TOR1AIP2: variants seen among roughly 807,000 people sequenced by gnomAD.
TOR1AIP2 encodes the protein torsin-1A-interacting protein 2.
Under a neutral mutation model 32.6 loss-of-function variants are expected in TOR1AIP2, and 20 were observed. That is an observed-to-expected ratio of 0.61 (90% CI 0.43 to 0.89). TOR1AIP2 has a LOEUF of 0.89. TOR1AIP2 is among the 40% of genes least tolerant of loss of function. TOR1AIP2 has a pLI of 0.00. For synonymous variants in TOR1AIP2, 214 were observed against 210.8 expected (o/e 1.02, Z -0.13); for missense variants, 456 against 553.8 (o/e 0.82, Z 1.77).
chr1:179,840,216 T>A lies in TOR1AIP2; in HGVS notation c.*5855A>T, dbSNP rs1695678324. On this transcript the variant is annotated 3_prime_UTR_variant, in exon 7 of 7. Transcript: ENST00000609928. ...GACAGGAAAGGCAAATAGATTTAAA[T>A]TTCCTGTGCTCTCTGATGAACCAGG... 6.6e-6 allele frequency: 1 copy of A among 152,218 alleles called. No individual in the cohort carries two copies. The highest frequency in any genetic ancestry group is 2.4e-5 in the African/African-American group (1 of 41,444). 9.4% of individuals were successfully genotyped at this position (152,218 alleles called of 1,614,324 possible). A position where few individuals can be genotyped will look rare whatever the true frequency, so the allele number is the denominator to read the frequency against.
At position 179,851,026 on chromosome 1, in the gene TOR1AIP2, C is replaced by T. The variant is rs369872700; in HGVS notation, c.372G>A (p.Lys124=). 7 of 1,614,076 alleles carry T rather than the reference C, an allele frequency of 4.3e-6. No homozygotes were observed. In the African/African-American group the frequency reaches 9.3e-5, roughly 22 times the overall value. The change falls in exon 5 of 7, where the codon AAG becomes AAA. Residue 124 remains lysine (K), a synonymous_variant. Transcript: ENST00000609928. ...CTAAGTGTGCATCTGCTCTTCCTAC[C>T]TTGTCACTTGGAGAATGGCTGGGAT... The part of the protein sequence containing the change: ...DPDPSHSPSD[K]VGRADAHLGS...
chr1:179,861,931 C>G (rs555196896), intron 3 of TOR1AIP2: 1 of 970,106 alleles, frequency 1.0e-6, no homozygotes, highest in Non-Finnish European at 1.2e-6. Flanking sequence ...AACTCCTGGG[C>G]TCAAGTGATC....
intron 3 of TOR1AIP2, chr1:179,861,427 C>T: frequency 1.0e-6 from 1 of 985,214 alleles, no homozygotes; most frequent in Non-Finnish European, 1.2e-6. Context: ...AGCTCTACTA[C>T]ATGATGTTGA....
At chr1:179,863,291 T>G (rs1696629885) in intron 3 of TOR1AIP2, 1 of 974,392 alleles carries the variant, frequency 1.0e-6, no homozygotes, top group Non-Finnish European at 1.2e-6. Context: ...ACCCAGGCAA[T>G]GCTAACCCTA....
At position 179,864,658 on chromosome 1, in the gene TOR1AIP2, A is replaced by C. The variant is rs1008302817; in HGVS notation, c.-147+778T>G. 5 of 1,479,836 alleles carry C rather than the reference A, an allele frequency of 3.4e-6. No homozygotes were observed. In the African/African-American group the frequency reaches 7.0e-5, roughly 21 times the overall value. 91.7% of individuals were successfully genotyped at this position (1,479,836 alleles called of 1,614,324 possible). A position where few individuals can be genotyped will look rare whatever the true frequency, so the allele number is the denominator to read the frequency against. ...TATAGGCCACGGAAGCAGATCCAACAATTTAAGCAGTTCCCAAAGTAGTGA... is the reference window on the plus strand; with the variant it reads ...TATAGGCCACGGAAGCAGATCCAACCATTTAAGCAGTTCCCAAAGTAGTGA... On this transcript the variant is annotated intron_variant, in intron 3 of 6. Transcript: ENST00000609928.
At chr1:179,866,201 C>A (rs917835857) in intron 2 of TOR1AIP2, among the ~76,000 whole-genome samples, 1 of 150,456 alleles carries the variant, frequency 6.6e-6, no homozygotes, top group African/African-American at 2.5e-5. Flanking sequence ...ATGGTATCCC[C>A]ATAATGTATG....
chr1:179,863,305 C>T, intron 3 of TOR1AIP2: 1 of 984,686 alleles, frequency 1.0e-6, no homozygotes, highest in Non-Finnish European at 1.2e-6. Context: ...AACCCTATTC[C>T]CCTTTGCCAA....
chr1:179,840,150 A>T lies in TOR1AIP2; in HGVS notation c.*5921T>A, dbSNP rs1571640171. ...TTTTTTGTTAAGCACAAATAAGCAA[A>T]ATGCAATTGAGTTTGAAAGTCAGTG... On this transcript the variant is annotated 3_prime_UTR_variant, in exon 7 of 7. Transcript: ENST00000609928. The T allele has an allele frequency of 6.6e-6, 1 of 152,344 alleles. No individual in the cohort carries two copies. The highest frequency in any genetic ancestry group is 2.1e-4 in the South Asian group (1 of 4,830). 9.4% of individuals were successfully genotyped at this position (152,344 alleles called of 1,614,324 possible).
Position 179,852,613 on chromosome 1 carries a change from C to T in TOR1AIP2, c.34+19G>A. On this transcript the variant is annotated intron_variant, in intron 4 of 6. Transcript: ENST00000609928. ...GTTTCCTACAGCAGCAACCTCAGTGCCAGACAAATCAGTCTTACCCTCTTG... is the reference window on the plus strand; with the variant it reads ...GTTTCCTACAGCAGCAACCTCAGTGTCAGACAAATCAGTCTTACCCTCTTG... 1 of 1,613,718 alleles carries T rather than the reference C, an allele frequency of 6.2e-7. No individual in the cohort carries two copies. Among genetic ancestry groups the T allele is most frequent in the Non-Finnish European group, 8.5e-7 (1 of 1,179,656 alleles).
chr1:179,861,051 A>T (rs1696511147), intron 3 of TOR1AIP2: 1 of 985,312 alleles, frequency 1.0e-6, no homozygotes, highest in Non-Finnish European at 1.2e-6. Flanking sequence ...CTGCCCTTGC[A>T]TGTTTCCATT....
At chr1:179,872,738 T>C (rs1571703980) in intron 2 of TOR1AIP2, among the ~76,000 whole-genome samples, 1 of 152,210 alleles carries the variant, frequency 6.6e-6, no homozygotes, top group Non-Finnish European at 1.5e-5. Flanking sequence ...CTAGTTTCGG[T>C]TGACCACGTA....
intron 2 of TOR1AIP2, among the ~76,000 whole-genome samples, chr1:179,876,765 T>C (rs1647345186): frequency 6.6e-6 from 1 of 152,208 alleles, no homozygotes; most frequent in East Asian, 1.9e-4. Flanking sequence ...GCCAGTATGT[T>C]TAATCTATGT....
chr1:179,867,456 T>C (rs954806248), intron 2 of TOR1AIP2: 1 of 152,220 alleles, frequency 6.6e-6, no homozygotes, highest in Non-Finnish European at 1.5e-5. Context: ...GAATTAAATC[T>C]TGGGTCTCTA....
At chr1:179,859,789 A>C (rs1036162651) in intron 3 of TOR1AIP2, 1 of 985,292 alleles carries the variant, frequency 1.0e-6, no homozygotes, top group African/African-American at 1.7e-5. Flanking sequence ...CCTCATCCCC[A>C]AACCAATCCT....
Position 179,851,190 on chromosome 1 carries a change from A to G in TOR1AIP2, c.208T>C (p.Ser70Pro). ...ACATTTGCTTCATCTGGACTTTCTGATTTATCACCTGTATCTGCACTTTCT... is the reference window on the plus strand; with the variant it reads ...ACATTTGCTTCATCTGGACTTTCTGGTTTATCACCTGTATCTGCACTTTCT... Reference protein sequence around the residue: ...GPESADTGDKSESPDEANVGK... With the variant: ...GPESADTGDKPESPDEANVGK... The change falls in exon 5 of 7, where the codon TCA (serine) becomes CCA (proline). Residue 70 changes from serine to proline, a missense_variant. Physicochemically the swap from Ser to Pro is moderately conservative, Grantham distance 74. Coordinates refer to ENST00000609928, the MANE Select transcript of TOR1AIP2 (RefSeq NM_001199260.2). 6.2e-7 allele frequency: 1 copy of G among 1,612,536 alleles called. No homozygotes were observed. The highest frequency in any genetic ancestry group is 8.5e-7 in the Non-Finnish European group (1 of 1,179,672).
chr1:179,876,681 C>T (rs191026300), intron 2 of TOR1AIP2, among the ~76,000 whole-genome samples: 1 of 151,592 alleles, frequency 6.6e-6, no homozygotes, highest in Non-Finnish European at 1.5e-5. Context: ...ACTGCCACAG[C>T]TTAAAACAAA....
Position 179,862,496 on chromosome 1 carries a change from A to G in TOR1AIP2, c.-147+2940T>C, listed in dbSNP as rs1433163365. On this transcript the variant is annotated intron_variant, in intron 3 of 6. Coordinates refer to ENST00000609928, the MANE Select transcript of TOR1AIP2 (RefSeq NM_001199260.2). ...ATAACAGGAGAGAACCTCCATTGTA[A>G]GAGACATAAGGCAGATACAGGGTGC... 4.1e-6 allele frequency: 4 copies of G among 985,332 alleles called. No homozygotes were observed. In the East Asian group the frequency reaches 4.5e-4, roughly 112 times the overall value. The allele number at this position is 985,332 out of a possible 1,614,324, so 61.0% of individuals were successfully genotyped here.
In TOR1AIP2 at chr1:179,852,648, A is replaced by G. The variant is rs1219513475; in HGVS notation, c.18T>C (p.Leu6=). 1 of 1,613,926 alleles carries G rather than the reference A, an allele frequency of 6.2e-7. No individual in the cohort carries two copies. The highest frequency in any genetic ancestry group is 8.5e-7 in the Non-Finnish European group (1 of 1,179,950). Residue 6 remains leucine, a synonymous_variant, in exon 4 of 7, where the codon CTT becomes CTC. Coordinates refer to ENST00000609928, the MANE Select transcript of TOR1AIP2 (RefSeq NM_001199260.2). MADSG[L]REPQEDSQKD... is the part of the protein sequence containing the mutation. ...CAGTCTTACCCTCTTGAGGTTCCCT[A>G]AGTCCACTGTCGGCCATGTTTGTGT...
At chr1:179,876,879 A>T (rs1647357790) in intron 2 of TOR1AIP2, among the ~76,000 whole-genome samples, 1 of 152,198 alleles carries the variant, frequency 6.6e-6, no homozygotes, top group Admixed American at 6.5e-5. Flanking sequence ...AAAGGCACAA[A>T]CTTTTTCATC....
Sources: gnomAD v4.1 joint callset for allele counts (sites outside exome capture counted in the v4.1 genomes callset) on GRCh38, gnomAD v4.1.1 for gene constraint, MANE v1.5 for transcripts, NCBI Gene and HGNC (gene_info 2026-07-23, HGNC 2026-07-21) for gene names.